Variants in ZNF106 observed in about 807,000 individuals in gnomAD.
ZNF106 encodes zinc finger protein 106.
A neutral mutation model predicts 195.1 loss-of-function variants in ZNF106; 67 were observed. The observed-to-expected ratio is 0.34, with a 90% CI of 0.28 to 0.42. ZNF106 has a LOEUF of 0.42. Ranked by LOEUF, ZNF106 falls within the 10% of genes least tolerant of loss-of-function variation. ZNF106 has a pLI of 1.00. For missense variants in ZNF106, 2,118 were observed against 2,304.5 expected (o/e 0.92, Z 1.66); for synonymous variants, 784 against 818.6 (o/e 0.96, Z 0.72).
In ZNF106 at chr15:42,442,289, G is replaced by A; in HGVS notation, c.3547C>T (p.Leu1183=). The A allele has an allele frequency of 6.2e-7, 1 of 1,614,170 alleles. No homozygotes were observed. The highest frequency in any genetic ancestry group is 8.5e-7 in the Non-Finnish European group (1 of 1,180,036). ...GACACATGGGAAGATGGAGGCTCCA[G>A]AAAAAGTGGGAAAAAGGGAGTGGGC... The part of the protein sequence containing the change: ...LLPTPFFPLF[L]EPPSSHVSPS... Residue 1183 remains leucine, a synonymous_variant, in exon 10 of 22, where the codon CTG becomes TTG. Transcript: ENST00000564754.
At chr15:42,419,676 G>A (rs2141254709) in intron 20 of ZNF106, among the ~76,000 whole-genome samples, 1 of 152,358 alleles carries the variant, frequency 6.6e-6, no homozygotes, top group African/African-American at 2.4e-5. Flanking sequence ...TGCAGGCCGG[G>A]CACTGTGGCT....
rs149268998 is a variant in ZNF106, at chr15:42,469,316, C to T, written c.54+2920G>A. Among the ~76,000 whole-genome samples, 5 of 152,256 alleles carry T rather than the reference C, an allele frequency of 3.3e-5. No homozygotes were observed. The East Asian group carries it at 9.7e-4, about 29-fold the overall frequency. ...TTTAAGTGAGTTCTGTTCCTTACAA[C>T]AAAACCATTCCTGACCAAAACAGCA... is the stretch of plus-strand genomic sequence containing the variant. On this transcript the variant is annotated intron_variant, in intron 2 of 21. Coordinates refer to ENST00000564754, the MANE Select transcript of ZNF106 (RefSeq NM_001366845.3).
chr15:42,436,037 T>C (rs2055261419), intron 13 of ZNF106, among the ~76,000 whole-genome samples: 2 of 151,306 alleles, frequency 1.3e-5, no homozygotes, highest in African/African-American at 4.9e-5. Context: ...CACTGCAAGC[T>C]CTGCCTCCTG....
chr15:42,487,749 C>T (rs1270205329), intron 1 of ZNF106, among the ~76,000 whole-genome samples: 1 of 152,152 alleles, frequency 6.6e-6, no homozygotes, highest in Non-Finnish European at 1.5e-5. Context: ...CTACTTGCAT[C>T]TTGCATAACT....
intron 17 of ZNF106, 89 bp downstream of exon 17, chr15:42,423,909 A>C: frequency 7.9e-7 from 1 of 1,260,310 alleles, no homozygotes; most frequent in Non-Finnish European, 1.1e-6. Context: ...TAAAGGGCTT[A>C]ATTTAAATTG....
rs779581268 is a variant in ZNF106, at chr15:42,451,867, T to C, written c.405A>G (p.Gln135=). ...QWRREDRIPY[Q]DRESYSQPAW... ...CAGGCTGACTGTAACTCTCTCTGTC[T>C]TGGTAAGGAATTCGGTCTTCTCGTC... Residue 135 remains glutamine, a synonymous_variant, in exon 5 of 22, where the codon CAA becomes CAG. Transcript: ENST00000564754. 5 of 1,614,212 alleles carry C rather than the reference T, an allele frequency of 3.1e-6. No homozygotes were observed. Among genetic ancestry groups the C allele is most frequent in the Non-Finnish European group, 4.2e-6 (5 of 1,180,030 alleles).
chr15:42,481,932 C>T (rs1182676305), intron 1 of ZNF106, among the ~76,000 whole-genome samples: 1 of 151,930 alleles, frequency 6.6e-6, no homozygotes, highest in Non-Finnish European at 1.5e-5. Flanking sequence ...ATTTTTCTTC[C>T]TCATTGTTTT....
chr15:42,476,717 G>A (rs1396431519), intron 1 of ZNF106, among the ~76,000 whole-genome samples: 1 of 152,040 alleles, frequency 6.6e-6, no homozygotes, highest in African/African-American at 2.4e-5. Context: ...TGAGTACACC[G>A]AGGAGGAAGC....
chr15:42,420,783 T>C (rs1221307323), intron 20 of ZNF106, among the ~76,000 whole-genome samples: 2 of 152,124 alleles, frequency 1.3e-5, no homozygotes, highest in Admixed American at 6.5e-5. Flanking sequence ...ACACTAGTAA[T>C]CTCTGATGAG....
intron 3 of ZNF106, among the ~76,000 whole-genome samples, chr15:42,462,999 A>G (rs529512582): frequency 1.3e-5 from 2 of 150,282 alleles, no homozygotes; most frequent in East Asian, 3.9e-4. Context: ...GGGTCCCACT[A>G]TGTTGCCCAG....
chr15:42,476,803 C>T (rs1213092348), intron 1 of ZNF106, among the ~76,000 whole-genome samples: 2 of 152,090 alleles, frequency 1.3e-5, no homozygotes, highest in Non-Finnish European at 2.9e-5. Context: ...ACCTGCGAAC[C>T]GCAAACCTGT....
intron 1 of ZNF106, among the ~76,000 whole-genome samples, chr15:42,473,554 T>C (rs562016669): frequency 6.6e-6 from 1 of 152,288 alleles, no homozygotes; most frequent in East Asian, 1.9e-4. Flanking sequence ...TTCCCGTGGC[T>C]CATTCATTTC....
At chr15:42,466,882 C>G (rs1208084441) in intron 2 of ZNF106, among the ~76,000 whole-genome samples, 1 of 152,138 alleles carries the variant, frequency 6.6e-6, no homozygotes, top group African/African-American at 2.4e-5. Flanking sequence ...CACCTGTAAT[C>G]CCAGCACTTT....
chr15:42,477,538 A>T (rs909759836), intron 1 of ZNF106, among the ~76,000 whole-genome samples: 63 of 152,182 alleles, frequency 4.1e-4, no homozygotes, highest in African/African-American at 1.5e-3. Flanking sequence ...GAAGCCAGGA[A>T]TTCAAGACTA....
In ZNF106 at chr15:42,451,964, A is replaced by T. The variant is rs1251826998; in HGVS notation, c.318-10T>A. The T allele has an allele frequency of 2.5e-6, 4 of 1,595,244 alleles. 1 individual carries two copies. In the South Asian group the frequency reaches 3.4e-5, roughly 14 times the overall value. On this transcript the variant is annotated splice_polypyrimidine_tract_variant and intron_variant, in intron 4 of 21. Coordinates refer to ENST00000564754, the MANE Select transcript of ZNF106 (RefSeq NM_001366845.3). Reference sequence around the variant, plus strand: ...GGAAGGTTCATCTTGTCTGGAAGAAAAACAGTTTTTCATTAGCGATTTAAA... The same window carrying T: ...GGAAGGTTCATCTTGTCTGGAAGAATAACAGTTTTTCATTAGCGATTTAAA...
chr15:42,419,543 CA>C (rs1205578998), intron 20 of ZNF106, among the ~76,000 whole-genome samples: 87 of 141,484 alleles, frequency 6.1e-4, no homozygotes, highest in Middle Eastern at 3.6e-3. Context: ...GACCCTGTCT[CA>C]AAAAAAAAAA....
rs2054346902 is a variant in ZNF106 at position 42,413,709 on chromosome 15, AG to A, written c.*3594del. 6.6e-6 allele frequency: 1 copy of A among 152,662 alleles called. No individual in the cohort carries two copies. The highest frequency in any genetic ancestry group is 1.5e-5 in the Non-Finnish European group (1 of 68,044). The allele number at this position is 152,662 out of a possible 1,614,324, so 9.5% of individuals were successfully genotyped here. ...AGTAATAATATTGCCTCTAAATTAA[AG>A]GTAAGTCAGGAGCTGAACACTCAAC... On this transcript the variant is annotated 3_prime_UTR_variant, in exon 22 of 22. Coordinates refer to ENST00000564754, the MANE Select transcript of ZNF106 (RefSeq NM_001366845.3).
chr15:42,484,440 G>A (rs1240836432), intron 1 of ZNF106, among the ~76,000 whole-genome samples: 2 of 152,270 alleles, frequency 1.3e-5, no homozygotes, highest in Non-Finnish European at 2.9e-5. Context: ...GACTAATATA[G>A]ACAGGCATGT....
At position 42,450,948 on chromosome 15, in the gene ZNF106, A is replaced by G; in HGVS notation, c.1324T>C (p.Ser442Pro). The G allele has an allele frequency of 6.2e-7, 1 of 1,614,180 alleles. No individual in the cohort carries two copies. Among genetic ancestry groups the G allele is most frequent in the Non-Finnish European group, 8.5e-7 (1 of 1,180,036 alleles). The change falls in exon 5 of 22, where the codon TCT becomes CCT. Residue 442 changes from serine (S) to proline (P), a missense_variant. By Grantham distance (74) the Ser-to-Pro change is moderately conservative. Transcript: ENST00000564754. ...IHTGSLNHKA[S>P]SDSAASFEVV... ...TCGAAGGAAGCAGCGGAATCAGAAG[A>G]GGCCTTGTGATTAAGAGATCCAGTA...
Sources: allele counts gnomAD v4.1 joint callset (sites outside exome capture counted in the v4.1 genomes callset), GRCh38; gene constraint gnomAD v4.1.1; transcripts MANE v1.5; gene names NCBI Gene and HGNC (gene_info 2026-07-23, HGNC 2026-07-21).